The following MIAT variants were observed in gnomAD, a reference collection of about 807,000 sequenced individuals.
MIAT encodes MI related novel mRNA.
downstream of MIAT, chr22:26,672,334 C>T: frequency 2.5e-6 from 1 of 399,150 alleles, no homozygotes; most frequent in South Asian, 1.3e-4. Context: ...ACTTTGCTGC[C>T]CCATATTGGC....
chr22:26,661,392 C>T (rs145398442), intron 2 of MIAT, among the ~76,000 whole-genome samples: 1 of 152,220 alleles, frequency 6.6e-6, no homozygotes, highest in East Asian at 1.9e-4. Flanking sequence ...CCTTGTGGTG[C>T]CAGGTGGGCC....
chr22:26,650,745 C>T (rs2145997451), intron 2 of MIAT, among the ~76,000 whole-genome samples: 1 of 152,276 alleles, frequency 6.6e-6, no homozygotes. Context: ...GGTCATTGTT[C>T]AGCTGGCTGA....
chr22:26,649,189 C>T (rs1423303118), intron 2 of MIAT, among the ~76,000 whole-genome samples: 1 of 152,122 alleles, frequency 6.6e-6, no homozygotes, highest in African/African-American at 2.4e-5. Context: ...ATGTAATCTC[C>T]GTTTTACAGA....
chr22:26,664,388 T>C (rs182680884), intron 3 of MIAT, among the ~76,000 whole-genome samples: 1 of 152,216 alleles, frequency 6.6e-6, no homozygotes, highest in African/African-American at 2.4e-5. Flanking sequence ...TTAAAAGTCA[T>C]ATAACTCACC....
chr22:26,669,791 C>T (rs199621079), downstream of MIAT: 121 of 398,866 alleles, frequency 3.0e-4, no homozygotes, highest in East Asian at 3.4e-3. Flanking sequence ...AGGAGTGCTT[C>T]GGAGGACATA....
At chr22:26,672,255 C>T, downstream of MIAT, 1 of 399,180 alleles carries the variant, frequency 2.5e-6, no homozygotes, top group Non-Finnish European at 4.4e-6. Flanking sequence ...GGGCTCCCCC[C>T]GGGGGCTGGT....
At chr22:26,662,632 C>T (rs927355666) in intron 2 of MIAT, among the ~76,000 whole-genome samples, 14 of 152,194 alleles carry the variant, frequency 9.2e-5, no homozygotes, top group South Asian at 2.1e-4. Flanking sequence ...CTGCGAGGCG[C>T]GTGGCACATT....
At chr22:26,672,975 G>A (rs920156766), downstream of MIAT, 7 of 398,504 alleles carry the variant, frequency 1.8e-5, no homozygotes, top group African/African-American at 1.4e-4. Context: ...GAGAGAGGCC[G>A]GTTTCCCCCA....
At chr22:26,657,376 G>A in intron 2 of MIAT, 2 of 397,516 alleles carry the variant, frequency 5.0e-6, no homozygotes. Context: ...TTGGGTGTGA[G>A]GTTGTAGGGG....
chr22:26,672,798 C>A (rs1047072612), downstream of MIAT: 1 of 398,648 alleles, frequency 2.5e-6, no homozygotes, highest in Admixed American at 4.4e-5. Context: ...GTCTTTCCTA[C>A]GCTAAAAACC....
intron 2 of MIAT, among the ~76,000 whole-genome samples, chr22:26,662,691 A>G (rs914409538): frequency 1.7e-4 from 26 of 152,166 alleles, no homozygotes; most frequent in Non-Finnish European, 2.9e-5. Flanking sequence ...GGCTCATCCA[A>G]GGCAATTTGG....
At chr22:26,665,683 A>G (rs1194757896) in exon 4 of MIAT, 2 of 398,552 alleles carry the variant, frequency 5.0e-6, no homozygotes, top group African/African-American at 4.1e-5. Flanking sequence ...CTGTGCAGGA[A>G]AGTGTAGTAT....
chr22:26,657,627 A>G, intron 2 of MIAT: 1 of 398,764 alleles, frequency 2.5e-6, no homozygotes. Context: ...AGCCCTCTGC[A>G]CTAGCGCCGC....
intron 2 of MIAT, among the ~76,000 whole-genome samples, chr22:26,657,932 A>G (rs568940034): frequency 2.0e-5 from 3 of 152,272 alleles, no homozygotes; most frequent in African/African-American, 4.8e-5. Context: ...GGGATCTTGC[A>G]ATCATGATTA....
chr22:26,657,336 G>T, intron 2 of MIAT: 1 of 395,112 alleles, frequency 2.5e-6, no homozygotes, highest in Non-Finnish European at 4.4e-6. Flanking sequence ...CGCTTTCCTG[G>T]CCAGGACTCT....
At chr22:26,657,387 C>T (rs1278331478) in intron 2 of MIAT, 1 of 384,416 alleles carries the variant, frequency 2.6e-6, no homozygotes, top group Non-Finnish European at 4.5e-6. Context: ...GTTGTAGGGG[C>T]GCAAGGAGGC....
intron 2 of MIAT, among the ~76,000 whole-genome samples, chr22:26,648,931 C>CAGAGAGAG (rs60141294): frequency 1.2e-3 from 184 of 149,184 alleles, no homozygotes; most frequent in East Asian, 3.4e-3. Context: ...GAGAGCGAGA[C>CAGAGAGAG]AGAGAGAGAG....
intron 5 of MIAT, chr22:26,667,407 TGCGC>T (rs1930889812): frequency 2.7e-6 from 1 of 370,210 alleles, no homozygotes; most frequent in African/African-American, 2.2e-5. Context: ...TGCATGTGTG[TGCGC>T]GTGTATGTGT....
downstream of MIAT, chr22:26,670,058 T>TA (rs1263404628): frequency 5.8e-6 from 2 of 346,522 alleles, no homozygotes; most frequent in Non-Finnish European, 1.0e-5. Context: ...GTTTATCTAT[T>TA]TTTTTTTTTT....
Sources: allele counts gnomAD v4.1 joint callset (sites outside exome capture counted in the v4.1 genomes callset), GRCh38; gene constraint gnomAD v4.1.1; transcripts MANE v1.5; gene names NCBI Gene and HGNC (gene_info 2026-07-23, HGNC 2026-07-21).